The following LRP1B variants were observed in gnomAD, a reference collection of about 807,000 sequenced individuals.
LRP1B encodes LDL receptor related protein 1B.
Under a neutral mutation model 556.6 loss-of-function variants are expected in LRP1B, and 217 were observed. That is an observed-to-expected ratio of 0.39 (90% CI 0.35 to 0.44). The LOEUF (loss-of-function observed/expected upper bound fraction) is 0.44. LRP1B is among the 20% of genes least tolerant of loss of function. LRP1B has a pLI of 1.00. For missense variants in LRP1B, 5,053 were observed against 5,620.8 expected (o/e 0.90, Z 3.23); for synonymous variants, 2,047 against 1,865.8 (o/e 1.10, Z -2.50).
chr2:141,393,838 T>C (rs1212245442), intron 3 of LRP1B, among the ~76,000 whole-genome samples: 1 of 152,184 alleles, frequency 6.6e-6, no homozygotes, highest in Non-Finnish European at 1.5e-5. Context: ...AGATGTGCTT[T>C]ATACGTGTGT....
chr2:141,149,562 T>C (rs1483774883), intron 7 of LRP1B, among the ~76,000 whole-genome samples: 4 of 152,136 alleles, frequency 2.6e-5, no homozygotes, highest in Non-Finnish European at 2.9e-5. Context: ...AGCACTACCT[T>C]GATCCACTTG....
intron 6 of LRP1B, among the ~76,000 whole-genome samples, chr2:141,220,632 A>G (rs1397050198): frequency 6.6e-6 from 1 of 151,750 alleles, no homozygotes; most frequent in East Asian, 1.9e-4. Flanking sequence ...GAAAAAAAAA[A>G]AAAAAGAAAA....
At chr2:140,759,639 C>T (rs1160531414) in intron 35 of LRP1B, among the ~76,000 whole-genome samples, 2 of 152,110 alleles carry the variant, frequency 1.3e-5, no homozygotes, top group Non-Finnish European at 2.9e-5. Flanking sequence ...AAAGAACTGG[C>T]AACTGTTGCC....
intron 52 of LRP1B, among the ~76,000 whole-genome samples, chr2:140,509,115 CTT>C (rs1372357661): frequency 1.4e-5 from 2 of 145,094 alleles, no homozygotes; most frequent in African/African-American, 5.1e-5. Flanking sequence ...CACACAGACA[CTT>C]ATATTATGGC....
chr2:140,943,250 T>C (rs1171941248), intron 20 of LRP1B, among the ~76,000 whole-genome samples: 1 of 152,036 alleles, frequency 6.6e-6, no homozygotes, highest in African/African-American at 2.4e-5. Flanking sequence ...TAAATATACA[T>C]GCACCCAACA....
chr2:141,595,904 T>C (rs1169585290), intron 2 of LRP1B, among the ~76,000 whole-genome samples: 3 of 152,040 alleles, frequency 2.0e-5, no homozygotes, highest in African/African-American at 7.2e-5. Flanking sequence ...CTGCATCCAT[T>C]TAAAAGATAC....
intron 27 of LRP1B, among the ~76,000 whole-genome samples, chr2:140,857,584 T>C (rs1433594176): frequency 2.0e-5 from 3 of 152,140 alleles, no homozygotes; most frequent in African/African-American, 7.2e-5. Flanking sequence ...CATGCTTTAC[T>C]TTCACCAGAT....
intron 7 of LRP1B, among the ~76,000 whole-genome samples, chr2:141,156,059 A>G (rs1017894766): frequency 6.6e-6 from 1 of 152,152 alleles, no homozygotes; most frequent in Non-Finnish European, 1.5e-5. Flanking sequence ...GAAGAAATTA[A>G]AATTACCATA....
intron 1 of LRP1B, among the ~76,000 whole-genome samples, chr2:142,014,079 T>C (rs1036190558): frequency 6.6e-6 from 1 of 152,100 alleles, no homozygotes; most frequent in East Asian, 1.9e-4. Context: ...TATCTCCCCA[T>C]ATATACAAGC....
intron 68 of LRP1B, among the ~76,000 whole-genome samples, chr2:140,374,155 A>G (rs1236026606): frequency 1.3e-5 from 2 of 152,188 alleles, no homozygotes; most frequent in African/African-American, 4.8e-5. Flanking sequence ...AAATGGAGTC[A>G]CTAGAAATCA....
intron 1 of LRP1B, among the ~76,000 whole-genome samples, chr2:141,947,022 G>T (rs143518408): frequency 6.6e-6 from 1 of 152,266 alleles, no homozygotes; most frequent in Non-Finnish European, 1.5e-5. Flanking sequence ...TGCAAAGCAG[G>T]TTTGTGGTGT....
chr2:141,634,940 A>G lies in LRP1B; in HGVS notation c.206-154407T>C, dbSNP rs1003989942. On this transcript the variant is annotated intron_variant, in intron 2 of 90. Transcript: ENST00000389484. ...TGGTGGTTATTATGATTGTAAAATG[A>G]CCATTTTATTATACTGACAGTTGAA... is the stretch of plus-strand genomic sequence containing the variant. Among the ~76,000 whole-genome samples the G allele has an allele frequency of 9.2e-5, 14 of 152,028 alleles. No individual in the cohort carries two copies. The East Asian group carries it at 2.7e-3, about 29-fold the overall frequency.
chr2:140,630,152 G>A (rs899637930), intron 41 of LRP1B, among the ~76,000 whole-genome samples: 2 of 152,140 alleles, frequency 1.3e-5, no homozygotes, highest in Non-Finnish European at 2.9e-5. Context: ...AAATTCTCAG[G>A]CCCTACCCCA....
Position 140,506,751 on chromosome 2 carries a change from C to T in LRP1B, c.8521+45G>A, listed in dbSNP as rs200866897. 9.5e-6 allele frequency: 15 copies of T among 1,583,470 alleles called. No homozygotes were observed. In the East Asian group the frequency reaches 3.2e-4, roughly 33 times the overall value. On this transcript the variant is annotated intron_variant, in intron 53 of 90. Coordinates refer to ENST00000389484, the MANE Select transcript of LRP1B (RefSeq NM_018557.3). ...TTATTTACATACTAGTTTTGAAAGA[C>T]TCTTAGCCTAGGAATCTCCTTCATG...
intron 1 of LRP1B, among the ~76,000 whole-genome samples, chr2:142,104,254 C>G (rs1706670977): frequency 6.6e-6 from 1 of 152,094 alleles, no homozygotes; most frequent in South Asian, 2.1e-4. Flanking sequence ...CTACTAATGC[C>G]AACTCTAAAT....
chr2:141,058,876 C>G lies in LRP1B; in HGVS notation c.1408+7G>C, dbSNP rs756018415. 6.3e-7 allele frequency: 1 copy of G among 1,577,106 alleles called. No individual in the cohort carries two copies. The highest frequency in any genetic ancestry group is 2.3e-5 in the East Asian group (1 of 43,726). On this transcript the variant is annotated splice_region_variant and intron_variant, in intron 9 of 90. Transcript: ENST00000389484. ...TAGGAAGGTAATAAAGAAGCTTTCC[C>G]ACTTACCTGTTGGTTGAGTTCTTTT...
intron 84 of LRP1B, among the ~76,000 whole-genome samples, chr2:140,282,861 C>A (rs866756830): frequency 6.6e-6 from 1 of 151,778 alleles, no homozygotes; most frequent in Non-Finnish European, 1.5e-5. Flanking sequence ...ACCCAACCAT[C>A]AAGGTGATCT....
chr2:141,776,093 G>A (rs1300632739), intron 2 of LRP1B, among the ~76,000 whole-genome samples: 1 of 152,026 alleles, frequency 6.6e-6, no homozygotes, highest in African/African-American at 2.4e-5. Flanking sequence ...TGATCTGCCT[G>A]CCTTGGCCTC....
intron 2 of LRP1B, among the ~76,000 whole-genome samples, chr2:141,665,606 T>C (rs1247430027): frequency 6.6e-6 from 1 of 152,218 alleles, no homozygotes; most frequent in Non-Finnish European, 1.5e-5. Context: ...TAAATCATTC[T>C]GTTTTAAAGA....
Sources: gnomAD v4.1 joint callset for allele counts (sites outside exome capture counted in the v4.1 genomes callset) on GRCh38, gnomAD v4.1.1 for gene constraint, MANE v1.5 for transcripts, NCBI Gene and HGNC (gene_info 2026-07-23, HGNC 2026-07-21) for gene names.